Variants in FNDC3A observed in about 807,000 individuals in gnomAD.
The protein encoded by FNDC3A is fibronectin type-III domain-containing protein 3A.
FNDC3A carries 32 observed loss-of-function variants against 148.9 expected under a neutral mutation model. The observed-to-expected ratio is 0.21, with a 90% confidence interval of 0.16 to 0.29. The LOEUF is 0.29. Among genes scored for constraint, FNDC3A ranks in the 10% least tolerant of loss-of-function variants. The probability of loss-of-function intolerance (pLI) is 1.00; values close to 1 mark genes in which losing one functional copy is unlikely to be tolerated. For synonymous variants in FNDC3A, 472 were observed against 473.6 expected (o/e 1.00, Z 0.04); for missense variants, 1,191 against 1,452.8 (o/e 0.82, Z 2.93).
intron 2 of FNDC3A, among the ~76,000 whole-genome samples, chr13:49,057,521 T>G (rs1876337934): frequency 6.6e-6 from 1 of 152,186 alleles, no homozygotes; most frequent in African/African-American, 2.4e-5. Flanking sequence ...TTTTACAAAT[T>G]TATGCATTTG....
At chr13:49,060,626 A>C (rs973020583) in intron 2 of FNDC3A, among the ~76,000 whole-genome samples, 2 of 145,210 alleles carry the variant, frequency 1.4e-5, no homozygotes, top group African/African-American at 5.2e-5. Context: ...CCTGGGCGAC[A>C]GAACGAGACT....
intron 3 of FNDC3A, among the ~76,000 whole-genome samples, chr13:49,081,374 CAAAA>C (rs1878458996): frequency 6.6e-6 from 1 of 152,072 alleles, no homozygotes; most frequent in Admixed American, 6.6e-5. Flanking sequence ...GACAGACAAG[CAAAA>C]ATATTGATGA....
At chr13:49,199,147 A>G (rs111399185) in intron 23 of FNDC3A, among the ~76,000 whole-genome samples, 1,653 of 151,864 alleles carry the variant, frequency 0.011, 35 homozygotes, top group African/African-American at 0.037. Context: ...CAGCTCCCCA[A>G]GTATCTGTGA....
chr13:49,197,664 TGGCCAAAAG>T, intron 20 of FNDC3A, 52 bp from the exon 21 acceptor site: 1 of 1,464,532 alleles, frequency 6.8e-7, no homozygotes, highest in Non-Finnish European at 9.2e-7. Flanking sequence ...AGAGCATTTT[TGGCCAAAAG>T]CTATTTAATC....
chr13:49,086,908 C>G (rs1270279122), intron 3 of FNDC3A, among the ~76,000 whole-genome samples: 1 of 152,056 alleles, frequency 6.6e-6, no homozygotes, highest in African/African-American at 2.4e-5. Context: ...ACAGATCATC[C>G]ATTCATAAAT....
chr13:49,004,477 A>G (rs1952184964), intron 1 of FNDC3A, among the ~76,000 whole-genome samples: 1 of 152,054 alleles, frequency 6.6e-6, no homozygotes, highest in Non-Finnish European at 1.5e-5. Context: ...TAAAAAGGTA[A>G]TACCTTAAGT....
At chr13:49,179,177 T>A (rs1885181553) in intron 14 of FNDC3A, among the ~76,000 whole-genome samples, 1 of 152,236 alleles carries the variant, frequency 6.6e-6, no homozygotes, top group Non-Finnish European at 1.5e-5. Context: ...CCAATTTATA[T>A]GGCTCTTATT....
intron 3 of FNDC3A, among the ~76,000 whole-genome samples, chr13:49,082,442 G>T (rs142591872): frequency 6.6e-6 from 1 of 151,990 alleles, no homozygotes; most frequent in South Asian, 2.1e-4. Flanking sequence ...AAAGTTCTAC[G>T]TTTTGATTTT....
At chr13:49,122,291 A>T (rs576850536) in intron 4 of FNDC3A, among the ~76,000 whole-genome samples, 2 of 152,024 alleles carry the variant, frequency 1.3e-5, no homozygotes, top group African/African-American at 2.4e-5. Context: ...CCTTCAATAA[A>T]ATTGAAGGCC....
intron 3 of FNDC3A, chr13:49,110,315 C>G: frequency 6.5e-7 from 1 of 1,543,940 alleles, no homozygotes; most frequent in Non-Finnish European, 8.7e-7. Flanking sequence ...AAAAAAAAAG[C>G]CGTTCTCCAA....
At chr13:49,003,573 A>G (rs1334093969) in intron 1 of FNDC3A, among the ~76,000 whole-genome samples, 1 of 151,940 alleles carries the variant, frequency 6.6e-6, no homozygotes, top group East Asian at 1.9e-4. Context: ...TTTTTTGTTT[A>G]TGTTTTAAGA....
intron 1 of FNDC3A, among the ~76,000 whole-genome samples, chr13:48,986,675 C>T (rs560110221): frequency 6.6e-6 from 1 of 151,988 alleles, no homozygotes; most frequent in African/African-American, 2.4e-5. Flanking sequence ...GGATTACAGG[C>T]GTGAGCCACT....
At chr13:48,976,261 G>C (rs1951596241) in intron 1 of FNDC3A, 84 bp downstream of exon 1, 1 of 152,378 alleles carries the variant, frequency 6.6e-6, no homozygotes, top group Non-Finnish European at 1.5e-5. Context: ...AGGCGCCGCG[G>C]AAACCGTTAG....
At chr13:49,124,385 A>G (rs890250688) in intron 4 of FNDC3A, among the ~76,000 whole-genome samples, 5 of 152,016 alleles carry the variant, frequency 3.3e-5, no homozygotes. Context: ...AGAAATACCT[A>G]ATATAGATGA....
chr13:49,013,651 T>C (rs1403696331), intron 2 of FNDC3A, among the ~76,000 whole-genome samples: 6 of 149,572 alleles, frequency 4.0e-5, no homozygotes, highest in Admixed American at 6.7e-5. Flanking sequence ...TACATGTGTA[T>C]ACATGTATAC....
At chr13:49,161,265 G>A (rs928773921) in intron 8 of FNDC3A, among the ~76,000 whole-genome samples, 1 of 152,032 alleles carries the variant, frequency 6.6e-6, no homozygotes, top group Non-Finnish European at 1.5e-5. Flanking sequence ...AAGTCTCTTT[G>A]TAGGTCTCTA....
chr13:48,991,042 A>G (rs1951906145), intron 1 of FNDC3A, among the ~76,000 whole-genome samples: 1 of 152,236 alleles, frequency 6.6e-6, no homozygotes, highest in Non-Finnish European at 1.5e-5. Context: ...GGAAAAGGGG[A>G]CAAAGAACAT....
At chr13:49,146,461 G>T (rs1189854630) in intron 8 of FNDC3A, 2 of 152,604 alleles carry the variant, frequency 1.3e-5, no homozygotes, top group African/African-American at 2.4e-5. Flanking sequence ...ACACAGCCAG[G>T]CACGGTGGCT....
intron 11 of FNDC3A, among the ~76,000 whole-genome samples, chr13:49,173,657 A>G (rs1303512584): frequency 6.6e-6 from 1 of 152,174 alleles, no homozygotes; most frequent in African/African-American, 2.4e-5. Context: ...TTATTTAGAG[A>G]TGATATGATT....
Sources: gnomAD v4.1 joint callset for allele counts (sites outside exome capture counted in the v4.1 genomes callset) on GRCh38, gnomAD v4.1.1 for gene constraint, MANE v1.5 for transcripts, NCBI Gene and HGNC (gene_info 2026-07-23, HGNC 2026-07-21) for gene names.